MACROD2: variants seen among roughly 807,000 people sequenced by gnomAD.
MACROD2 encodes the protein mono-ADP ribosylhydrolase 2.
In MACROD2, 36 loss-of-function variants were observed where a neutral mutation model predicts 70.4. That is an observed-to-expected ratio of 0.51 (90% confidence interval 0.39 to 0.68). MACROD2 has a LOEUF of 0.68. Among genes scored for constraint, MACROD2 ranks in the 30% least tolerant of loss-of-function variants. MACROD2 has a pLI of 0.00. For synonymous variants in MACROD2, 172 were observed against 178.8 expected (o/e 0.96, Z 0.30); for missense variants, 496 against 538.4 (o/e 0.92, Z 0.78).
chr20:15,259,483 T>C (rs1200908561), intron 6 of MACROD2, among the ~76,000 whole-genome samples: 1 of 152,006 alleles, frequency 6.6e-6, no homozygotes, highest in Non-Finnish European at 1.5e-5. Flanking sequence ...AGACATTACT[T>C]TATACTTTGC....
chr20:14,230,693 A>C (rs1409298054), intron 3 of MACROD2, among the ~76,000 whole-genome samples: 1 of 123,182 alleles, frequency 8.1e-6, no homozygotes, highest in African/African-American at 3.5e-5. Flanking sequence ...ATATATATAT[A>C]TATATATGGG....
intron 8 of MACROD2, among the ~76,000 whole-genome samples, chr20:15,623,850 T>TA (rs2049164726): frequency 6.6e-6 from 1 of 152,164 alleles, no homozygotes; most frequent in East Asian, 1.9e-4. Flanking sequence ...TATTCAATAG[T>TA]ACTATGTGAA....
At chr20:14,557,828 T>C (rs1979142985) in intron 4 of MACROD2, among the ~76,000 whole-genome samples, 1 of 151,808 alleles carries the variant, frequency 6.6e-6, no homozygotes, top group Non-Finnish European at 1.5e-5. Flanking sequence ...GTTCATCAAA[T>C]TGTTAAACAT....
chr20:15,386,029 A>C (rs554102186), intron 6 of MACROD2, among the ~76,000 whole-genome samples: 4 of 152,292 alleles, frequency 2.6e-5, no homozygotes, highest in Admixed American at 1.3e-4. Context: ...TTTCAGTCTC[A>C]CATTGACAAC....
intron 6 of MACROD2, among the ~76,000 whole-genome samples, chr20:15,375,563 A>G (rs1349851740): frequency 1.3e-5 from 2 of 152,198 alleles, no homozygotes; most frequent in African/African-American, 2.4e-5. Context: ...TATTAAAATG[A>G]CTATTAAAGG....
intron 3 of MACROD2, among the ~76,000 whole-genome samples, chr20:14,202,073 T>C (rs2081484495): frequency 6.6e-6 from 1 of 152,122 alleles, no homozygotes; most frequent in Admixed American, 6.5e-5. Context: ...ATAGGAGTCT[T>C]TTATCTTCTG....
At chr20:14,960,682 G>C (rs558569693) in intron 5 of MACROD2, among the ~76,000 whole-genome samples, 3 of 152,144 alleles carry the variant, frequency 2.0e-5, no homozygotes, top group African/African-American at 7.2e-5. Context: ...GAATTCAGGG[G>C]AAGAACAGGT....
At chr20:15,606,737 T>G (rs2048898431) in intron 8 of MACROD2, among the ~76,000 whole-genome samples, 1 of 152,164 alleles carries the variant, frequency 6.6e-6, no homozygotes, top group Admixed American at 6.5e-5. Flanking sequence ...GCGCAGTGGC[T>G]CATGCTTGTA....
chr20:16,012,964 G>A (rs954636649), intron 15 of MACROD2, among the ~76,000 whole-genome samples: 2 of 152,178 alleles, frequency 1.3e-5, no homozygotes, highest in South Asian at 2.1e-4. Context: ...GATGGATCAC[G>A]AGGTCAAGAG....
intron 2 of MACROD2, among the ~76,000 whole-genome samples, chr20:14,047,516 G>T (rs977973053): frequency 1.3e-5 from 2 of 151,828 alleles, no homozygotes; most frequent in Non-Finnish European, 2.9e-5. Flanking sequence ...TTATTCCTGG[G>T]AGTGAAAAAG....
chr20:14,673,949 A>G (rs1299982608), intron 4 of MACROD2, among the ~76,000 whole-genome samples: 2 of 151,670 alleles, frequency 1.3e-5, no homozygotes, highest in African/African-American at 2.4e-5. Flanking sequence ...AGGAAAAGGT[A>G]ATAAAGCTCA....
At chr20:14,364,503 T>C (rs189167108) in intron 3 of MACROD2, among the ~76,000 whole-genome samples, 39 of 152,338 alleles carry the variant, frequency 2.6e-4, no homozygotes, top group African/African-American at 9.1e-4. Flanking sequence ...TAGCTAAGGA[T>C]GTATTCACAG....
chr20:15,844,331 A>C (rs368663144), intron 8 of MACROD2, among the ~76,000 whole-genome samples: 6 of 152,136 alleles, frequency 3.9e-5, no homozygotes, highest in African/African-American at 9.7e-5. Context: ...ACGAACACAT[A>C]AAATGTCATC....
At chr20:15,640,957 G>C (rs1394958408) in intron 8 of MACROD2, among the ~76,000 whole-genome samples, 1 of 152,180 alleles carries the variant, frequency 6.6e-6, no homozygotes, top group Admixed American at 6.5e-5. Flanking sequence ...AAATTTCACT[G>C]TCTCACATTC....
At chr20:15,071,169 C>G (rs2075616514) in intron 5 of MACROD2, among the ~76,000 whole-genome samples, 1 of 152,078 alleles carries the variant, frequency 6.6e-6, no homozygotes, top group African/African-American at 2.4e-5. Flanking sequence ...TGATGGATTA[C>G]CCACAGCTGA....
intron 8 of MACROD2, among the ~76,000 whole-genome samples, chr20:15,528,108 C>A (rs1200846696): frequency 6.6e-6 from 1 of 151,394 alleles, no homozygotes; most frequent in African/African-American, 2.4e-5. Context: ...GGCAACTTAG[C>A]CCTCCAGGGG....
At chr20:14,276,791 C>T (rs1202420637) in intron 3 of MACROD2, among the ~76,000 whole-genome samples, 1 of 152,158 alleles carries the variant, frequency 6.6e-6, no homozygotes, top group East Asian at 1.9e-4. Flanking sequence ...TATCTGACAT[C>T]TGACATGTTG....
chr20:14,755,198 T>A (rs954112846), intron 5 of MACROD2, among the ~76,000 whole-genome samples: 5 of 152,032 alleles, frequency 3.3e-5, no homozygotes, highest in Non-Finnish European at 7.4e-5. Flanking sequence ...GAGAGTCCAC[T>A]CTTTCCTGTT....
At chr20:15,579,101 T>C (rs2048488919) in intron 8 of MACROD2, among the ~76,000 whole-genome samples, 1 of 152,204 alleles carries the variant, frequency 6.6e-6, no homozygotes, top group Non-Finnish European at 1.5e-5. Context: ...ATATTTAAGT[T>C]GGAAGCAGAT....
Sources: allele counts gnomAD v4.1 joint callset (sites outside exome capture counted in the v4.1 genomes callset), GRCh38; gene constraint gnomAD v4.1.1; transcripts MANE v1.5; gene names NCBI Gene and HGNC (gene_info 2026-07-23, HGNC 2026-07-21).